The following C5orf34 variants were observed in gnomAD, a reference collection of about 807,000 sequenced individuals.
C5orf34 encodes the protein chromosome 5 open reading frame 34.
Under a neutral mutation model 78.4 loss-of-function variants are expected in C5orf34, and 73 were observed. That is an observed-to-expected ratio of 0.93 (90% CI 0.77 to 1.13). C5orf34 has a LOEUF of 1.13. Ranked by LOEUF, C5orf34 falls within the 50% of genes most tolerant of loss-of-function variation. The pLI is 0.00. For missense variants in C5orf34, 730 were observed against 732.7 expected (o/e 1.00, Z 0.04); for synonymous variants, 251 against 246.6 (o/e 1.02, Z -0.17).
chr5:43,510,334 T>G (rs1405419028), intron 1 of C5orf34, among the ~76,000 whole-genome samples: 1 of 152,164 alleles, frequency 6.6e-6, no homozygotes. Context: ...TTTCTCTGCA[T>G]TCAGTTTCTT....
chr5:43,492,599 AG>A, intron 9 of C5orf34, 120 bp downstream of exon 9: 1 of 849,008 alleles, frequency 1.2e-6, no homozygotes. Flanking sequence ...AGATCAGTAA[AG>A]CTTCTTGACA....
chr5:43,496,314 A>G (rs1278062171), intron 6 of C5orf34: 1 of 1,584,272 alleles, frequency 6.3e-7, no homozygotes, highest in African/African-American at 1.3e-5. Flanking sequence ...TTCCCATCTC[A>G]GCAGCCTCCT....
At position 43,495,641 on chromosome 5, in the gene C5orf34, T is replaced by G; in HGVS notation, c.1153-1040A>C. 3 of 1,595,916 alleles carry G rather than the reference T, an allele frequency of 1.9e-6. No homozygotes were observed. In the South Asian group the frequency reaches 3.3e-5, roughly 18 times the overall value. ...AGCAAAGGTGACCACCACACCAGGT[T>G]TGAGAACACCAGTCTCCACTCGGCC... is the stretch of plus-strand genomic sequence containing the variant. On this transcript the variant is annotated intron_variant, in intron 6 of 12. Transcript: ENST00000306862.
At chr5:43,490,532 G>A in intron 11 of C5orf34, 99 bp downstream of exon 11, 1 of 736,290 alleles carries the variant, frequency 1.4e-6, no homozygotes, top group Non-Finnish European at 2.3e-6. Flanking sequence ...AACTAAGAAA[G>A]TTTTTTTGGG....
intron 5 of C5orf34, among the ~76,000 whole-genome samples, chr5:43,502,988 C>A (rs1402358774): frequency 6.6e-6 from 1 of 152,120 alleles, no homozygotes; most frequent in Non-Finnish European, 1.5e-5. Context: ...TGGGTATATA[C>A]CAAATAGAAA....
At chr5:43,496,485 C>G (rs1316740440) in intron 6 of C5orf34, 1 of 1,513,278 alleles carries the variant, frequency 6.6e-7, no homozygotes, top group Non-Finnish European at 8.8e-7. Flanking sequence ...TTCACAACAC[C>G]TGTGTTCTGG....
At chr5:43,504,388 A>G (rs1323372423) in intron 4 of C5orf34, among the ~76,000 whole-genome samples, 2 of 152,202 alleles carry the variant, frequency 1.3e-5, no homozygotes, top group African/African-American at 4.8e-5. Context: ...AAATGTAGAC[A>G]TGGTCTCTGC....
chr5:43,509,040 G>A lies in C5orf34; in HGVS notation c.195+105C>T. Reference sequence around the variant, plus strand: ...GAATCACTTGAGCCTAGGTGTTCGAGGCTGCAGTGAGCTATGGTAGTGCCA... The same window carrying A: ...GAATCACTTGAGCCTAGGTGTTCGAAGCTGCAGTGAGCTATGGTAGTGCCA... On this transcript the variant is annotated intron_variant, in intron 2 of 12. Transcript: ENST00000306862. 3 of 833,590 alleles carry A rather than the reference G, an allele frequency of 3.6e-6. No homozygotes were observed. In the South Asian group the frequency reaches 5.1e-5, roughly 14 times the overall value. The allele number at this position is 833,590 out of a possible 1,614,324, so 51.6% of individuals were successfully genotyped here.
In C5orf34 at chr5:43,486,943, T is replaced by G; in HGVS notation, c.1889A>C (p.Asp630Ala). ...KKTSEILHDIDCLLSNSKK is the reference protein window; with the variant it reads ...KKTSEILHDIACLLSNSKK ...CTTTTTAGAGTTTGATAGAAGACAG[T>G]CAATATCGTGAAGGATTTCAGAGGT... Residue 630 changes from aspartate (D) to alanine (A), a missense_variant, in exon 13 of 13, where the codon GAC becomes GCC. By Grantham distance (126) the Asp-to-Ala change is moderately radical. Coordinates refer to ENST00000306862, the MANE Select transcript of C5orf34 (RefSeq NM_198566.4). 6.4e-7 allele frequency: 1 copy of G among 1,550,868 alleles called. No homozygotes were observed. Among genetic ancestry groups the G allele is most frequent in the Non-Finnish European group, 8.7e-7 (1 of 1,154,408 alleles).
At chr5:43,495,043 G>C in intron 6 of C5orf34, 1 of 1,433,276 alleles carries the variant, frequency 7.0e-7, no homozygotes, top group Non-Finnish European at 9.8e-7. Flanking sequence ...CACTGATTAA[G>C]AGTTGGGTGG....
In C5orf34 at chr5:43,515,074, C is replaced by T. The variant is rs938708631; in HGVS notation, c.-305G>A. On this transcript the variant is annotated 5_prime_UTR_variant, in exon 1 of 13. In the 5' UTR this introduces an upstream ATG that the reference lacks. Coordinates refer to ENST00000306862, the MANE Select transcript of C5orf34 (RefSeq NM_198566.4). ...GCGGAGACAGCGCCAACTGTAACCA[C>T]TAAGAGAAAGCGCAAACCGCACAAG... 1.1e-4 allele frequency: 17 copies of T among 152,278 alleles called. No homozygotes were observed. Among genetic ancestry groups the T allele is most frequent in the African/African-American group, 3.1e-4 (13 of 41,462 alleles). The allele number at this position is 152,278 out of a possible 1,614,324, so 9.4% of individuals were successfully genotyped here. A position where few individuals can be genotyped will look rare whatever the true frequency, so the allele number is the denominator to read the frequency against.
intron 6 of C5orf34, chr5:43,494,979 C>T (rs143982974): frequency 2.0e-6 from 2 of 1,014,838 alleles, no homozygotes; most frequent in African/African-American, 1.6e-5. Flanking sequence ...CAGTCTTTCA[C>T]TACTAAACTT....
intron 6 of C5orf34, among the ~76,000 whole-genome samples, chr5:43,502,039 TTG>T (rs1187742468): frequency 2.0e-5 from 3 of 152,194 alleles, no homozygotes; most frequent in Non-Finnish European, 4.4e-5. Flanking sequence ...GAATGTGCTT[TTG>T]CTTTTTAATG....
At chr5:43,496,867 GC>G (rs1745551540) in intron 6 of C5orf34, among the ~76,000 whole-genome samples, 1 of 152,016 alleles carries the variant, frequency 6.6e-6, no homozygotes, top group Non-Finnish European at 1.5e-5. Flanking sequence ...ACTGTGCCTG[GC>G]CCAAAAGTTA....
chr5:43,495,028 T>C (rs916710433), intron 6 of C5orf34: 1 of 1,395,274 alleles, frequency 7.2e-7, no homozygotes, highest in African/African-American at 1.4e-5. Context: ...AGACCATTCT[T>C]CCACCACTGA....
At chr5:43,510,571 C>T (rs917916555) in intron 1 of C5orf34, among the ~76,000 whole-genome samples, 1 of 152,240 alleles carries the variant, frequency 6.6e-6, no homozygotes, top group African/African-American at 2.4e-5. Context: ...CTGCCCAGTG[C>T]CTGTGATTGC....
rs1273234527 is a variant in C5orf34, at chr5:43,506,083, A to G, written c.597T>C (p.His199=). The stretch of plus-strand genomic sequence containing the variant: ...TTTCTTTGGATTTCATGATCTGGCA[A>G]TGAAACTCATTTTCTTTATTCTTCA... ...QRLKNKENEF[H]CQIMKSKETL... is the part of the protein sequence containing the mutation. The change falls in exon 4 of 13, where the codon CAT becomes CAC. Residue 199 remains histidine, a synonymous_variant. Transcript: ENST00000306862. The G allele has an allele frequency of 2.5e-6, 4 of 1,614,198 alleles. No homozygotes were observed. The highest frequency in any genetic ancestry group is 2.2e-5 in the South Asian group (2 of 91,084).
intron 1 of C5orf34, among the ~76,000 whole-genome samples, chr5:43,510,862 C>T (rs867339092): frequency 5.9e-5 from 9 of 152,376 alleles, no homozygotes; most frequent in Middle Eastern, 6.8e-3. Context: ...CCGGACGCCA[C>T]CCCATCTGGG....
At chr5:43,501,670 A>T (rs1175150901) in intron 6 of C5orf34, among the ~76,000 whole-genome samples, 2 of 152,146 alleles carry the variant, frequency 1.3e-5, no homozygotes, top group African/African-American at 4.8e-5. Flanking sequence ...TTCCATAGTT[A>T]AAAAAATCTC....
Sources: allele counts gnomAD v4.1 joint callset (sites outside exome capture counted in the v4.1 genomes callset), GRCh38; gene constraint gnomAD v4.1.1; transcripts MANE v1.5; gene names NCBI Gene and HGNC (gene_info 2026-07-23, HGNC 2026-07-21).